The following TASOR variants were observed in gnomAD, a reference collection of about 807,000 sequenced individuals.
TASOR encodes protein TASOR.
TASOR carries 53 observed loss-of-function variants against 178.6 expected under a neutral mutation model. The observed-to-expected ratio is 0.30, with a 90% CI of 0.24 to 0.37. The LOEUF (loss-of-function observed/expected upper bound fraction) is 0.37, where lower values mean the gene tolerates loss of function less well. Ranked by LOEUF, TASOR falls within the 10% of genes least tolerant of loss-of-function variation. The pLI is 1.00. For missense variants in TASOR, 1,815 were observed against 1,971.4 expected (o/e 0.92, Z 1.50); for synonymous variants, 713 against 696.2 (o/e 1.02, Z -0.38).
chr3:56,670,078 G>A lies in TASOR; in HGVS notation c.638C>T (p.Ser213Phe). 6.5e-7 allele frequency: 1 copy of A among 1,534,504 alleles called. No homozygotes were observed. The highest frequency in any genetic ancestry group is 1.4e-5 in the African/African-American group (1 of 72,530). The part of the protein sequence containing the change: ...QSKITILGSP[S>F]MGVYLSRYAD... Reference sequence around the variant, plus strand: ...TTAAAAAGAAAAAAGATTACCCATGGAAGGACTGCCAAGAATTGTTATTTT... The same window carrying A: ...TTAAAAAGAAAAAAGATTACCCATGAAAGGACTGCCAAGAATTGTTATTTT... The change falls in exon 4 of 24, where the codon TCC (serine) becomes TTC (phenylalanine). Residue 213 changes from serine to phenylalanine, a missense_variant. By Grantham distance (155) the Ser-to-Phe change is radical. Around this residue, in one of 5 missense-constraint regions of TASOR, gnomAD observed 504 missense variants for 645.3 expected, o/e 0.78. Transcript: ENST00000683822.
At chr3:56,663,208 TAA>T (rs2077636526) in intron 8 of TASOR, among the ~76,000 whole-genome samples, 1 of 152,108 alleles carries the variant, frequency 6.6e-6, no homozygotes, top group South Asian at 2.1e-4. Flanking sequence ...AAAGAAACTT[TAA>T]AATAGTTTAA....
chr3:56,682,726 C>G lies in TASOR; in HGVS notation c.281G>C (p.Arg94Thr). The G allele has an allele frequency of 6.6e-7, 1 of 1,508,924 alleles. No individual in the cohort carries two copies. The highest frequency in any genetic ancestry group is 8.9e-7 in the Non-Finnish European group (1 of 1,127,542). The allele number at this position is 1,508,924 out of a possible 1,614,324, so 93.5% of individuals were successfully genotyped here. Residue 94 changes from arginine (R) to threonine (T), a missense_variant, in exon 1 of 24, where the codon AGG becomes ACG. Physicochemically the swap from Arg to Thr is moderately conservative, Grantham distance 71 (BLOSUM62 -1). Coordinates refer to ENST00000683822, the MANE Select transcript of TASOR (RefSeq NM_001365635.2). ...GATCTGAAAACTCCTCCTAACAGGC[C>G]TTTCGGGCTCTTCGGGGCCTCTGGG... The part of the protein sequence containing the change: ...ALPRGPEEPE[R>T]PVRRSFQIPR...
chr3:56,641,945 T>C (rs745952915), intron 14 of TASOR, among the ~76,000 whole-genome samples, 193 bp from the exon 15 acceptor site: 4 of 152,238 alleles, frequency 2.6e-5, no homozygotes, highest in Non-Finnish European at 5.9e-5. Flanking sequence ...AAAATTGCTA[T>C]TAAAGTTTAA....
chr3:56,674,201 TAAAA>T (rs11348732), intron 1 of TASOR, among the ~76,000 whole-genome samples: 10 of 111,824 alleles, frequency 8.9e-5, no homozygotes, highest in Non-Finnish European at 1.1e-4. Flanking sequence ...TCTTTAAGTT[TAAAA>T]AAAAAAAAAA....
At chr3:56,649,202 T>G (rs1015994278) in intron 11 of TASOR, 145 bp from the exon 12 acceptor site, 5 of 512,842 alleles carry the variant, frequency 9.7e-6, no homozygotes, top group Non-Finnish European at 1.7e-5. Flanking sequence ...ATTAGTTAAT[T>G]CTTTCTACCA....
At chr3:56,681,793 C>A (rs1200388402) in intron 1 of TASOR, among the ~76,000 whole-genome samples, 1 of 152,190 alleles carries the variant, frequency 6.6e-6, no homozygotes, top group African/African-American at 2.4e-5. Flanking sequence ...ATTAGGAATT[C>A]TGACTCCATA....
intron 6 of TASOR, 102 bp downstream of exon 6, chr3:56,668,295 A>C: frequency 9.1e-7 from 1 of 1,103,834 alleles, no homozygotes; most frequent in Non-Finnish European, 1.3e-6. Context: ...ACCAGAGTCT[A>C]GACTAATGTG....
chr3:56,648,942 T>C (rs1381183061), intron 12 of TASOR, 43 bp downstream of exon 12: 1 of 1,597,538 alleles, frequency 6.3e-7, no homozygotes. Context: ...AACTAAAAAG[T>C]TAAGAAAGAA....
rs752502719 is a variant in TASOR at position 56,624,504 on chromosome 3, AGCACCAAGCTGT to A, written c.4446_4457del (p.Gln1483_Ala1486del). ...CTGACTGCGACTCAAGATTCTCATT[AGCACCAAGCTGT>A]GGAAGGTTTTCTTCTGTGATTGAAT... On this transcript the variant is annotated inframe_deletion, in exon 23 of 24. Transcript: ENST00000683822. 6.2e-7 allele frequency: 1 copy of A among 1,613,908 alleles called. No homozygotes were observed. The highest frequency in any genetic ancestry group is 2.2e-5 in the East Asian group (1 of 44,866).
chr3:56,671,597 C>T lies in TASOR; in HGVS notation c.570+3G>A, dbSNP rs2030745728. ...TTGTTTTTTATAAAATGCGTTAACT[C>T]ACCTGGTATCGATCAACCATCAGAA... On this transcript the variant is annotated splice_donor_region_variant and intron_variant, in intron 3 of 23. Coordinates refer to ENST00000683822, the MANE Select transcript of TASOR (RefSeq NM_001365635.2). The T allele has an allele frequency of 6.5e-7, 1 of 1,540,846 alleles. No individual in the cohort carries two copies. Among genetic ancestry groups the T allele is most frequent in the Non-Finnish European group, 8.8e-7 (1 of 1,141,738 alleles).
At position 56,646,790 on chromosome 3, in the gene TASOR, T is replaced by C; in HGVS notation, c.1947A>G (p.Lys649=). 1 of 1,613,862 alleles carries C rather than the reference T, an allele frequency of 6.2e-7. No homozygotes were observed. The highest frequency in any genetic ancestry group is 8.5e-7 in the Non-Finnish European group (1 of 1,179,960). Residue 649 remains lysine (K), a synonymous_variant, in exon 14 of 24, where the codon AAA becomes AAG. Transcript: ENST00000683822. ...AGTTATTTCGTTTTCCAAATTTCAT[T>C]TTTGTACCATTCATTTCTTCTTCTT... ...EGQEEEMNGT[K]MKFGKRNNSR...
intron 2 of TASOR, among the ~76,000 whole-genome samples, chr3:56,672,928 C>A (rs1375380376): frequency 6.6e-6 from 1 of 152,160 alleles, no homozygotes; most frequent in Non-Finnish European, 1.5e-5. Context: ...TCAAGCAATT[C>A]TCCTGCCTCA....
At chr3:56,646,075 G>C (rs1398701664) in intron 14 of TASOR, among the ~76,000 whole-genome samples, 2 of 152,168 alleles carry the variant, frequency 1.3e-5, no homozygotes, top group Non-Finnish European at 2.9e-5. Flanking sequence ...ATGAACCCAG[G>C]AGGTGGAGCT....
At position 56,626,345 on chromosome 3, in the gene TASOR, T is replaced by C. The variant is rs2076798585; in HGVS notation, c.4139+692A>G. Reference sequence around the variant, plus strand: ...CCTACTCACAAATCACTTCACCAGGTCAAGATTAATCCTTGTCCAAATATA... The same window carrying C: ...CCTACTCACAAATCACTTCACCAGGCCAAGATTAATCCTTGTCCAAATATA... On this transcript the variant is annotated intron_variant, in intron 21 of 23. Coordinates refer to ENST00000683822, the MANE Select transcript of TASOR (RefSeq NM_001365635.2). 2.6e-5 allele frequency among the ~76,000 whole-genome samples: 4 copies of C among 152,176 alleles called. No individual in the cohort carries two copies. The South Asian group carries it at 8.3e-4, about 31-fold the overall frequency.
At chr3:56,673,508 G>C in intron 2 of TASOR, 72 bp downstream of exon 2, 1 of 1,093,706 alleles carries the variant, frequency 9.1e-7, no homozygotes, top group Non-Finnish European at 1.2e-6. Flanking sequence ...AGTATTTCTA[G>C]AGAACATTTT....
chr3:56,624,931 T>C lies in TASOR; in HGVS notation c.4215A>G (p.Ser1405=), dbSNP rs150659269. The change falls in exon 22 of 24, where the codon TCA becomes TCG. Residue 1405 remains serine, a synonymous_variant. Coordinates refer to ENST00000683822, the MANE Select transcript of TASOR (RefSeq NM_001365635.2). The part of the protein sequence containing the change: ...YQKKHLVEIL[S]YHNCDSQTRN... ...GAGTTTGTGAATCACAATTGTGGTATGACAAAATTTCAACCAGATGTTTCT... is the reference window on the plus strand; with the variant it reads ...GAGTTTGTGAATCACAATTGTGGTACGACAAAATTTCAACCAGATGTTTCT... 41 of 1,614,052 alleles carry C rather than the reference T, an allele frequency of 2.5e-5. No homozygotes were observed. In the African/African-American group the frequency reaches 5.3e-4, roughly 21 times the overall value.
chr3:56,650,516 G>A (rs751043732), intron 11 of TASOR, among the ~76,000 whole-genome samples: 7 of 152,160 alleles, frequency 4.6e-5, no homozygotes, highest in Admixed American at 6.5e-5. Context: ...CAAATGACTA[G>A]GTCCATCTGA....
rs752672265 is a variant in TASOR at position 56,623,416 on chromosome 3, G to C, written c.4634C>G (p.Thr1545Ser). 1.9e-6 allele frequency: 3 copies of C among 1,613,540 alleles called. No homozygotes were observed. The highest frequency in any genetic ancestry group is 2.5e-6 in the Non-Finnish European group (3 of 1,179,962). Residue 1545 changes from threonine to serine, a missense_variant, in exon 24 of 24, where the codon ACT becomes AGT. Physicochemically the swap from Thr to Ser is moderately conservative, Grantham distance 58 (BLOSUM62 1). Transcript: ENST00000683822. ...GSRGTDQKKN[T>S]QIELQSSPDV... is the part of the protein sequence containing the mutation. ...AGGAGACGATTGCAACTCAATTTGA[G>C]TATTCTTTTTTTGATCTGTTCCACG...
At chr3:56,658,567 G>A (rs532940443) in intron 11 of TASOR, among the ~76,000 whole-genome samples, 5 of 152,184 alleles carry the variant, frequency 3.3e-5, no homozygotes, top group African/African-American at 1.2e-4. Context: ...CAGGCTTTCA[G>A]AAGAAAACAA....
Sources: gnomAD v4.1 joint callset for allele counts (sites outside exome capture counted in the v4.1 genomes callset) on GRCh38, gnomAD v4.1.1 for gene constraint, gnomAD v4.1.1 regional missense constraint, MANE v1.5 for transcripts, NCBI Gene and HGNC (gene_info 2026-07-23, HGNC 2026-07-21) for gene names.